The following KCMF1 variants were observed in gnomAD, a reference collection of about 807,000 sequenced individuals.
KCMF1 encodes the protein potassium channel modulatory factor 1, also known as E3 ubiquitin-protein ligase KCMF1.
A neutral mutation model predicts 41.1 loss-of-function variants in KCMF1; 3 were observed. The ratio of observed to expected loss-of-function variants is 0.07; its 90% CI spans 0.03 to 0.19. The LOEUF (loss-of-function observed/expected upper bound fraction) is 0.19, where lower values mean the gene tolerates loss of function less well. Among genes scored for constraint, KCMF1 ranks in the 10% least tolerant of loss-of-function variants. KCMF1 has a pLI of 1.00. For missense variants in KCMF1, 286 were observed against 488.9 expected (o/e 0.58, Z 3.91); for synonymous variants, 142 against 164.5 (o/e 0.86, Z 1.04).
chr2:85,045,111 A>G (rs551343113), intron 4 of KCMF1, among the ~76,000 whole-genome samples: 1 of 152,208 alleles, frequency 6.6e-6, no homozygotes, highest in South Asian at 2.1e-4. Context: ...CTGGTGGCAC[A>G]CACCTGTGGT....
chr2:85,022,431 G>T (rs746134841), intron 1 of KCMF1, among the ~76,000 whole-genome samples: 26 of 152,152 alleles, frequency 1.7e-4, no homozygotes, highest in Non-Finnish European at 3.5e-4. Flanking sequence ...CCGAGATTGT[G>T]CAACTGCTCT....
At chr2:85,046,355 T>TG in intron 5 of KCMF1, 77 bp downstream of exon 5, 1 of 1,159,000 alleles carries the variant, frequency 8.6e-7, no homozygotes, top group Non-Finnish European at 1.2e-6. Context: ...TGATGCCAGG[T>TG]GCGGTGGCTC....
intron 1 of KCMF1, among the ~76,000 whole-genome samples, chr2:84,980,900 C>T (rs1054536056): frequency 6.6e-5 from 10 of 152,130 alleles, no homozygotes; most frequent in African/African-American, 9.7e-5. Flanking sequence ...CTCGGCCTCA[C>T]AATGTGCTGG....
chr2:85,041,727 G>A (rs1038157987), intron 3 of KCMF1, among the ~76,000 whole-genome samples: 25 of 149,832 alleles, frequency 1.7e-4, no homozygotes, highest in African/African-American at 6.1e-4. Flanking sequence ...TAAATAACTG[G>A]AACTTGTTTT....
chr2:85,007,101 CAAAAAAAAA>C (rs764401140), intron 1 of KCMF1, among the ~76,000 whole-genome samples: 1 of 51,904 alleles, frequency 1.9e-5, no homozygotes, highest in Non-Finnish European at 4.1e-5. Context: ...AACTCAGTCT[CAAAAAAAAA>C]AAAAAAAAAA....
chr2:85,008,291 T>TATATAATATATAATATGATATATATC (rs1486177880), intron 1 of KCMF1, among the ~76,000 whole-genome samples: 11 of 14,648 alleles, frequency 7.5e-4, no homozygotes, highest in East Asian at 4.5e-3. Context: ...TGATATATAA[T>TATATAATATATAATATGATATATATC]ATATATAATA....
chr2:85,051,431 C>CTTTTTTTGCCCTATCCT lies in KCMF1; in HGVS notation c.885-1710_885-1709insGCCCTATCCTTTTTTTT, dbSNP rs1553383884. 1.2e-4 allele frequency among the ~76,000 whole-genome samples: 17 copies of CTTTTTTTGCCCTATCCT among 147,604 alleles called. No individual in the cohort carries two copies. The East Asian group carries it at 2.7e-3, about 24-fold the overall frequency. On this transcript the variant is annotated intron_variant, in intron 6 of 6. Transcript: ENST00000409785. ...TCTTCCTACCCACCCTTGCCCTATC[C>CTTTTTTTGCCCTATCCT]TTTTTTTTTTTAAGACCCAAACTAC...
rs3769764 is a variant in KCMF1, at chr2:85,046,379, C to T, written c.601+101C>T. 4,407 of 862,422 alleles carry T rather than the reference C, an allele frequency of 5.1e-3. 109 individuals are homozygous for T. In the East Asian group the frequency reaches 0.07, roughly 14 times the overall value. The allele number at this position is 862,422 out of a possible 1,614,324, so 53.4% of individuals were successfully genotyped here. A position where few individuals can be genotyped will look rare whatever the true frequency, so the allele number is the denominator to read the frequency against. ...GTGCGGTGGCTCACACCTTTAATCC[C>T]AGCACTCTGGGAGGCTGGAGCGGGT... On this transcript the variant is annotated intron_variant, in intron 5 of 6. Coordinates refer to ENST00000409785, the MANE Select transcript of KCMF1 (RefSeq NM_020122.5).
chr2:84,986,264 C>T (rs140024042), intron 1 of KCMF1, among the ~76,000 whole-genome samples: 125 of 152,212 alleles, frequency 8.2e-4, no homozygotes, highest in Non-Finnish European at 1.7e-3. Context: ...TAAAATAACC[C>T]TTGTATGACT....
chr2:84,977,090 T>C, intron 1 of KCMF1, among the ~76,000 whole-genome samples: 1 of 152,070 alleles, frequency 6.6e-6, no homozygotes, highest in East Asian at 1.9e-4. Context: ...CTTGGCTTAC[T>C]GCAACCTCCA....
At chr2:85,050,684 G>T (rs1484697475) in intron 6 of KCMF1, among the ~76,000 whole-genome samples, 2 of 152,204 alleles carry the variant, frequency 1.3e-5, no homozygotes, top group Non-Finnish European at 2.9e-5. Flanking sequence ...CATAAAGGAA[G>T]AACTGTAAAA....
intron 1 of KCMF1, among the ~76,000 whole-genome samples, chr2:85,025,874 A>G (rs1675090664): frequency 6.6e-6 from 1 of 152,176 alleles, no homozygotes; most frequent in Admixed American, 6.5e-5. Flanking sequence ...GTCTCTATCT[A>G]ACAGCTTTGC....
chr2:85,051,202 G>A (rs148060264), intron 6 of KCMF1, among the ~76,000 whole-genome samples: 1 of 152,312 alleles, frequency 6.6e-6, no homozygotes, highest in Non-Finnish European at 1.5e-5. Context: ...AGATAATGCT[G>A]CTTTAATGTA....
At chr2:84,991,285 T>A (rs963314228) in intron 1 of KCMF1, among the ~76,000 whole-genome samples, 1 of 152,160 alleles carries the variant, frequency 6.6e-6, no homozygotes. Context: ...ATTTTGGAGA[T>A]GGAGGTCAAG....
intron 2 of KCMF1, among the ~76,000 whole-genome samples, chr2:85,030,884 A>T (rs1458129237): frequency 6.6e-6 from 1 of 152,026 alleles, no homozygotes; most frequent in Non-Finnish European, 1.5e-5. Context: ...TTTTGTGGAG[A>T]TGGGGTTTTT....
In KCMF1 at chr2:84,971,278, CCCG is replaced by C. The variant is rs540667091; in HGVS notation, c.-151_-149del. The C allele has an allele frequency of 2.5e-3, 394 of 159,848 alleles. No homozygotes were observed. The highest frequency in any genetic ancestry group is 4.1e-3 in the Non-Finnish European group (321 of 77,810). 9.9% of individuals were successfully genotyped at this position (159,848 alleles called of 1,614,324 possible). The stretch of plus-strand genomic sequence containing the variant: ...CCCCATTCCCGCCCCGCGCCGCCTC[CCCG>C]CCGCCGCCGCCGCCGCCGCCGCGGG... On this transcript the variant is annotated 5_prime_UTR_variant, in exon 1 of 7. Transcript: ENST00000409785.
At chr2:84,972,379 T>C (rs1440124680) in intron 1 of KCMF1, 1 of 152,242 alleles carries the variant, frequency 6.6e-6, no homozygotes, top group Non-Finnish European at 1.5e-5. Flanking sequence ...AGGGTCGATG[T>C]ATAGGCTTTG....
intron 3 of KCMF1, among the ~76,000 whole-genome samples, chr2:85,041,783 T>TAA (rs974925092): frequency 7.0e-6 from 1 of 141,854 alleles, no homozygotes; most frequent in African/African-American, 2.6e-5. Flanking sequence ...TTTTTTTTTT[T>TAA]AAAAAAAGCA....
intron 1 of KCMF1, among the ~76,000 whole-genome samples, chr2:84,983,554 C>A (rs554672138): frequency 6.6e-6 from 1 of 152,292 alleles, no homozygotes; most frequent in South Asian, 2.1e-4. Context: ...GTAGCCCAGG[C>A]TGGAGTAAAA....
Sources: gnomAD v4.1 joint callset for allele counts (sites outside exome capture counted in the v4.1 genomes callset) on GRCh38, gnomAD v4.1.1 for gene constraint, MANE v1.5 for transcripts, NCBI Gene and HGNC (gene_info 2026-07-23, HGNC 2026-07-21) for gene names.